Variants in TYR observed in about 807,000 individuals in gnomAD.
TYR encodes LB24-AB.
TYR carries 58 observed loss-of-function variants against 51.5 expected under a neutral mutation model. That is an observed-to-expected ratio of 1.13 (90% confidence interval 0.91 to 1.40). The LOEUF (loss-of-function observed/expected upper bound fraction) is 1.40. Ranked by LOEUF, TYR falls within the 40% of genes most tolerant of loss-of-function variation. TYR has a pLI of 0.00. For missense variants in TYR, 732 were observed against 647.4 expected (o/e 1.13, Z -1.42); for synonymous variants, 263 against 235.2 (o/e 1.12, Z -1.08).
chr11:89,256,347 G>C, intron 3 of TYR, among the ~76,000 whole-genome samples: 1 of 151,380 alleles, frequency 6.6e-6, no homozygotes, highest in African/African-American at 2.4e-5. Flanking sequence ...ATAATTACTA[G>C]GTTTTTCTTA....
intron 4 of TYR, among the ~76,000 whole-genome samples, chr11:89,294,723 A>G (rs1396129902): frequency 1.3e-5 from 2 of 152,226 alleles, no homozygotes; most frequent in Admixed American, 1.3e-4. Context: ...GCATTTGCCA[A>G]CATTACTATT....
intron 4 of TYR, among the ~76,000 whole-genome samples, chr11:89,290,591 T>A (rs1437398291): frequency 6.6e-6 from 1 of 152,044 alleles, no homozygotes. Flanking sequence ...AACAGTAACT[T>A]TCAAGGTCTA....
chr11:89,219,696 A>C (rs1477579673), intron 2 of TYR, among the ~76,000 whole-genome samples: 25 of 152,152 alleles, frequency 1.6e-4, no homozygotes, highest in Admixed American at 1.6e-3. Flanking sequence ...ATTGGCCATA[A>C]GTATGTGGGT....
intron 3 of TYR, among the ~76,000 whole-genome samples, chr11:89,274,471 G>T (rs1441927274): frequency 6.6e-6 from 1 of 151,788 alleles, no homozygotes; most frequent in Admixed American, 6.6e-5. Flanking sequence ...AGAACTAATG[G>T]CTTCTGCTCT....
intron 3 of TYR, among the ~76,000 whole-genome samples, chr11:89,237,858 C>T (rs946237339): frequency 1.3e-5 from 2 of 151,672 alleles, no homozygotes; most frequent in Non-Finnish European, 2.9e-5. Context: ...ATTTTTGAGA[C>T]AGAGTCTCAC....
At chr11:89,186,804 G>C (rs12799349) in intron 1 of TYR, among the ~76,000 whole-genome samples, 24,694 of 152,004 alleles carry the variant, frequency 0.16, 2,478 homozygotes, top group African/African-American at 0.29. Context: ...AGTAATTGAG[G>C]TTAAGTGAGG....
rs535284621 is a variant in TYR, at chr11:89,204,244, G to A, written c.1036+12826G>A. Reference sequence around the variant, plus strand: ...AGTAGTTGAGGAGCAGTAATGAGGGGTATTCTTACCTCTCCTAGCAAGGAA... The same window carrying A: ...AGTAGTTGAGGAGCAGTAATGAGGGATATTCTTACCTCTCCTAGCAAGGAA... On this transcript the variant is annotated intron_variant, in intron 2 of 4. Transcript: ENST00000263321. Among the ~76,000 whole-genome samples, 90 of 152,302 alleles carry A rather than the reference G, an allele frequency of 5.9e-4. No individual in the cohort carries two copies. In the South Asian group the frequency reaches 0.012, roughly 20 times the overall value.
chr11:89,281,810 A>G (rs1944725049), intron 3 of TYR, among the ~76,000 whole-genome samples: 1 of 151,704 alleles, frequency 6.6e-6, no homozygotes, highest in Non-Finnish European at 1.5e-5. Flanking sequence ...ATCTTTCCAT[A>G]TTTCCATCTG....
At chr11:89,192,097 C>T in intron 2 of TYR, 3 of 375,426 alleles carry the variant, frequency 8.0e-6, no homozygotes, top group South Asian at 6.0e-5. Flanking sequence ...CTCATTATCC[C>T]TTAAGTTTTC....
chr11:89,178,760 C>T lies in TYR; in HGVS notation c.807C>T (p.Phe269=). 6.2e-7 allele frequency: 1 copy of T among 1,614,098 alleles called. No homozygotes were observed. Among genetic ancestry groups the T allele is most frequent in the Non-Finnish European group, 8.5e-7 (1 of 1,180,026 alleles). Reference sequence around the variant, plus strand: ...ACTTACTCAGCCCAGCATCATTCTTCTCCTCTTGGCAGGTAAGATATGCTA... The same window carrying T: ...ACTTACTCAGCCCAGCATCATTCTTTTCCTCTTGGCAGGTAAGATATGCTA... ...NPNLLSPASF[F]SSWQIVCSRL... is the part of the protein sequence containing the mutation. The change falls in exon 1 of 5, where the codon TTC becomes TTT. Residue 269 remains phenylalanine (F), a synonymous_variant. Transcript: ENST00000263321.
chr11:89,215,752 A>C (rs1474011856), intron 2 of TYR, among the ~76,000 whole-genome samples: 2 of 152,272 alleles, frequency 1.3e-5, no homozygotes, highest in South Asian at 2.1e-4. Context: ...AGTGTTACTA[A>C]GAAATGTTTA....
chr11:89,217,283 A>G (rs1943843550), intron 2 of TYR, among the ~76,000 whole-genome samples: 1 of 152,220 alleles, frequency 6.6e-6, no homozygotes, highest in Non-Finnish European at 1.5e-5. Flanking sequence ...AGTGTTAACA[A>G]ACGTATGCCA....
chr11:89,201,058 G>A (rs1355147411), intron 2 of TYR, among the ~76,000 whole-genome samples: 2 of 152,020 alleles, frequency 1.3e-5, no homozygotes, highest in Admixed American at 1.3e-4. Flanking sequence ...TCTTCCAAAT[G>A]TTAAAATATC....
chr11:89,262,868 A>AT (rs1218688991), intron 3 of TYR, among the ~76,000 whole-genome samples: 2 of 147,046 alleles, frequency 1.4e-5, no homozygotes, highest in African/African-American at 5.0e-5. Context: ...AAAAAAAAAA[A>AT]AAAACAACAA....
intron 2 of TYR, among the ~76,000 whole-genome samples, chr11:89,201,352 T>A (rs1005689633): frequency 6.6e-6 from 1 of 152,146 alleles, no homozygotes; most frequent in African/African-American, 2.4e-5. Context: ...CAAGTGAAAA[T>A]GATTTCCTGT....
intron 2 of TYR, among the ~76,000 whole-genome samples, chr11:89,223,741 C>A (rs1316316931): frequency 1.3e-5 from 2 of 151,992 alleles, no homozygotes; most frequent in East Asian, 3.9e-4. Context: ...TTTGAAGAGA[C>A]AATATATACA....
At chr11:89,274,511 AC>A (rs1944628454) in intron 3 of TYR, among the ~76,000 whole-genome samples, 1 of 151,824 alleles carries the variant, frequency 6.6e-6, no homozygotes, top group Admixed American at 6.6e-5. Context: ...AACTAACCTC[AC>A]TGCATGTTAA....
In TYR at chr11:89,191,322, T is replaced by C. The variant is rs1255893246; in HGVS notation, c.940T>C (p.Ser314Pro). The C allele has an allele frequency of 6.2e-7, 1 of 1,613,766 alleles. No homozygotes were observed. The highest frequency in any genetic ancestry group is 8.5e-7 in the Non-Finnish European group (1 of 1,179,780). Reference protein sequence around the residue: ...HDKSRTPRLPSSADVEFCLSL... With the variant: ...HDKSRTPRLPPSADVEFCLSL... ...CAAATCCAGAACCCCAAGGCTCCCC[T>C]CTTCAGCTGATGTAGAATTTTGCCT... The change falls in exon 2 of 5, where the codon TCT becomes CCT. Residue 314 changes from serine (S) to proline (P), a missense_variant. Physicochemically the swap from Ser to Pro is moderately conservative, Grantham distance 74 (BLOSUM62 -1). Coordinates refer to ENST00000263321, the MANE Select transcript of TYR (RefSeq NM_000372.5).
intron 3 of TYR, among the ~76,000 whole-genome samples, chr11:89,274,478 C>T (rs1340559002): frequency 2.6e-5 from 4 of 151,868 alleles, no homozygotes; most frequent in Non-Finnish European, 5.9e-5. Flanking sequence ...ATGGCTTCTG[C>T]TCTGTGCAAG....
Sources: allele counts gnomAD v4.1 joint callset (sites outside exome capture counted in the v4.1 genomes callset), GRCh38; gene constraint gnomAD v4.1.1; transcripts MANE v1.5; gene names NCBI Gene and HGNC (gene_info 2026-07-23, HGNC 2026-07-21).